Variants in TTC28 observed in about 807,000 individuals in gnomAD.
TTC28 encodes the protein tetratricopeptide repeat domain 28.
Under a neutral mutation model 198.0 loss-of-function variants are expected in TTC28, and 61 were observed. The observed-to-expected ratio is 0.31, with a 90% confidence interval of 0.25 to 0.38. The LOEUF (loss-of-function observed/expected upper bound fraction) is 0.38. Ranked by LOEUF, TTC28 falls within the 10% of genes least tolerant of loss-of-function variation. TTC28 has a pLI of 1.00. For missense variants in TTC28, 2,678 were observed against 3,164.0 expected (o/e 0.85, Z 3.69); for synonymous variants, 1,171 against 1,297.8 (o/e 0.90, Z 2.10).
chr22:28,168,327 A>C (rs1922258209), intron 5 of TTC28, among the ~76,000 whole-genome samples: 1 of 152,222 alleles, frequency 6.6e-6, no homozygotes, highest in Non-Finnish European at 1.5e-5. Flanking sequence ...ACTACTTTAA[A>C]GTTCATATGG....
At chr22:28,032,583 T>A (rs906012932) in intron 12 of TTC28, among the ~76,000 whole-genome samples, 1 of 152,084 alleles carries the variant, frequency 6.6e-6, no homozygotes, top group African/African-American at 2.4e-5. Context: ...TTTAATTTTA[T>A]CTCTATGACA....
chr22:28,044,276 T>C (rs1569104021), intron 12 of TTC28, among the ~76,000 whole-genome samples: 2 of 152,220 alleles, frequency 1.3e-5, no homozygotes, highest in South Asian at 2.1e-4. Context: ...ACAGCTGTAA[T>C]GTATAGAACA....
chr22:28,514,167 A>C (rs2048739087), intron 2 of TTC28, among the ~76,000 whole-genome samples: 1 of 152,216 alleles, frequency 6.6e-6, no homozygotes, highest in Non-Finnish European at 1.5e-5. Context: ...TCTAACAGGA[A>C]TCAATTGCCT....
At chr22:28,411,990 G>T (rs1462302802) in intron 2 of TTC28, among the ~76,000 whole-genome samples, 1 of 152,132 alleles carries the variant, frequency 6.6e-6, no homozygotes, top group Non-Finnish European at 1.5e-5. Flanking sequence ...CAATTTCAAT[G>T]TAATAAAAAT....
chr22:28,246,051 C>T (rs1346955691), intron 5 of TTC28, among the ~76,000 whole-genome samples: 1 of 152,182 alleles, frequency 6.6e-6, no homozygotes, highest in Non-Finnish European at 1.5e-5. Flanking sequence ...AAACAGTGAG[C>T]TCTGTTCTTA....
chr22:28,359,273 G>A (rs2046123252), intron 2 of TTC28, among the ~76,000 whole-genome samples: 2 of 152,042 alleles, frequency 1.3e-5, no homozygotes, highest in African/African-American at 4.8e-5. Context: ...TCTATCTTAG[G>A]TATCATATAA....
At chr22:28,446,075 G>A (rs1292912638) in intron 2 of TTC28, among the ~76,000 whole-genome samples, 1 of 152,132 alleles carries the variant, frequency 6.6e-6, no homozygotes, top group Non-Finnish European at 1.5e-5. Context: ...TGTCAGCAAA[G>A]GAGGCAGACA....
At chr22:28,025,888 C>G (rs550235225) in intron 13 of TTC28, among the ~76,000 whole-genome samples, 1 of 152,258 alleles carries the variant, frequency 6.6e-6, no homozygotes, top group South Asian at 2.1e-4. Context: ...AAAAGAACTA[C>G]AACCACACAT....
chr22:28,672,525 C>A (rs1427318671), intron 1 of TTC28, among the ~76,000 whole-genome samples: 1 of 152,144 alleles, frequency 6.6e-6, no homozygotes, highest in African/African-American at 2.4e-5. Context: ...TGGTCTCAAT[C>A]TCCTAACCTC....
At chr22:28,471,678 T>C (rs1198618127) in intron 2 of TTC28, among the ~76,000 whole-genome samples, 1 of 152,152 alleles carries the variant, frequency 6.6e-6, no homozygotes, top group East Asian at 1.9e-4. Flanking sequence ...AATGATCAAA[T>C]AGGTTAATAT....
intron 2 of TTC28, among the ~76,000 whole-genome samples, chr22:28,361,086 C>T (rs1270900785): frequency 2.0e-5 from 3 of 152,164 alleles, no homozygotes; most frequent in Admixed American, 6.6e-5. Context: ...ACACACAATA[C>T]TGAAATTAAG....
intron 2 of TTC28, among the ~76,000 whole-genome samples, chr22:28,459,455 A>G (rs1172576908): frequency 1.3e-5 from 2 of 152,072 alleles, no homozygotes; most frequent in African/African-American, 2.4e-5. Flanking sequence ...TTAAAGAAAG[A>G]AAAAGAAGGC....
chr22:28,082,395 T>C (rs1247769478), intron 12 of TTC28, among the ~76,000 whole-genome samples: 5 of 152,218 alleles, frequency 3.3e-5, no homozygotes, highest in South Asian at 4.1e-4. Flanking sequence ...ATTTTTCATA[T>C]ATGGCCTTCA....
At chr22:28,148,409 C>G (rs903876358) in intron 6 of TTC28, among the ~76,000 whole-genome samples, 1 of 152,108 alleles carries the variant, frequency 6.6e-6, no homozygotes, top group Admixed American at 6.5e-5. Context: ...GTCAGGAGAT[C>G]GAGACCATCC....
At chr22:28,014,818 T>C (rs529725300) in intron 13 of TTC28, among the ~76,000 whole-genome samples, 2 of 152,136 alleles carry the variant, frequency 1.3e-5, no homozygotes, top group Non-Finnish European at 2.9e-5. Flanking sequence ...ACAAAGAGCA[T>C]GTTGGCCCCC....
At chr22:28,207,796 G>A (rs1257676411) in intron 5 of TTC28, among the ~76,000 whole-genome samples, 1 of 152,032 alleles carries the variant, frequency 6.6e-6, no homozygotes, top group East Asian at 1.9e-4. Flanking sequence ...ATCCAGGAGA[G>A]CCCCATGTTT....
At chr22:28,429,001 A>C (rs999344965) in intron 2 of TTC28, among the ~76,000 whole-genome samples, 2 of 152,350 alleles carry the variant, frequency 1.3e-5, no homozygotes, top group Non-Finnish European at 2.9e-5. Context: ...CATTTAAAAG[A>C]GTAAACTGAA....
chr22:28,255,752 T>C (rs1035230327), intron 5 of TTC28, among the ~76,000 whole-genome samples: 1 of 151,454 alleles, frequency 6.6e-6, no homozygotes, highest in Non-Finnish European at 1.5e-5. Flanking sequence ...ATGCTTAAGA[T>C]GGTGGCTGAC....
chr22:28,331,118 C>T lies in TTC28; in HGVS notation c.382-24475G>A, dbSNP rs13057257. On this transcript the variant is annotated intron_variant, in intron 2 of 22. Transcript: ENST00000397906. ...TTGGTAAACTACAACCACCTTCACACGAGTAATCTTATTTAGTCTTAATAA... is the reference window on the plus strand; with the variant it reads ...TTGGTAAACTACAACCACCTTCACATGAGTAATCTTATTTAGTCTTAATAA... 3.5e-3 allele frequency among the ~76,000 whole-genome samples: 531 copies of T among 152,152 alleles called. 2 individuals are homozygous for T. Among genetic ancestry groups the T allele is most frequent in the Middle Eastern group, 0.01 (3 of 294 alleles).
Sources: allele counts gnomAD v4.1 joint callset (sites outside exome capture counted in the v4.1 genomes callset), GRCh38; gene constraint gnomAD v4.1.1; transcripts MANE v1.5; gene names NCBI Gene and HGNC (gene_info 2026-07-23, HGNC 2026-07-21).